NRXN3: variants seen among roughly 807,000 people sequenced by gnomAD.
NRXN3 encodes the protein neurexin III.
Under a neutral mutation model 137.6 loss-of-function variants are expected in NRXN3, and 32 were observed. The observed-to-expected ratio is 0.23, with a 90% CI of 0.18 to 0.31. The LOEUF is 0.31. NRXN3 is among the 10% of genes least tolerant of loss of function. The probability of loss-of-function intolerance (pLI) is 1.00; values close to 1 mark genes in which losing one functional copy is unlikely to be tolerated. For missense variants in NRXN3, 1,574 were observed against 2,062.5 expected, an observed-to-expected ratio of 0.76 and a Z score of 4.59; for synonymous variants, 798 against 784.5, an observed-to-expected ratio of 1.02 and a Z score of -0.29.
chr14:78,766,460 C>T (rs1283615639), intron 8 of NRXN3, among the ~76,000 whole-genome samples: 1 of 152,196 alleles, frequency 6.6e-6, no homozygotes, highest in Non-Finnish European at 1.5e-5. Context: ...TTTTCCCTCT[C>T]CACTGCCACC....
At chr14:78,752,720 C>T (rs897890503) in intron 8 of NRXN3, among the ~76,000 whole-genome samples, 2 of 152,028 alleles carry the variant, frequency 1.3e-5, no homozygotes, top group Non-Finnish European at 2.9e-5. Context: ...ATAGGAAGAG[C>T]CTTGCCCTCA....
intron 15 of NRXN3, among the ~76,000 whole-genome samples, chr14:79,135,385 G>A (rs1390828448): frequency 2.0e-5 from 3 of 151,924 alleles, no homozygotes; most frequent in East Asian, 1.9e-4. Context: ...TAAATCCTAG[G>A]TACCTCTCCT....
In NRXN3 at chr14:78,902,688, C is replaced by A. The variant is rs1468373472; in HGVS notation, c.2276-54554C>A. 2.0e-5 allele frequency among the ~76,000 whole-genome samples: 3 copies of A among 151,850 alleles called. No homozygotes were observed. The South Asian group carries it at 6.2e-4, about 32-fold the overall frequency. On this transcript the variant is annotated intron_variant, in intron 10 of 20. Transcript: ENST00000335750. The stretch of plus-strand genomic sequence containing the variant: ...TATAGGATGAAATTTAATACTTTAG[C>A]CTGATGTACAAGGCTCTTAAAGATC...
chr14:78,552,029 T>A (rs1219390678), intron 4 of NRXN3, among the ~76,000 whole-genome samples: 3 of 152,106 alleles, frequency 2.0e-5, no homozygotes, highest in Non-Finnish European at 4.4e-5. Context: ...CAGTGGTGGT[T>A]CTGAATCAAA....
chr14:78,262,269 C>T (rs1006849876), intron 2 of NRXN3, among the ~76,000 whole-genome samples: 4 of 151,990 alleles, frequency 2.6e-5, no homozygotes, highest in East Asian at 1.9e-4. Context: ...GATGGATAGA[C>T]GGATGGGTGG....
intron 20 of NRXN3, among the ~76,000 whole-genome samples, chr14:79,811,581 C>CTTTTTTTTTTTTTTTTTTTTTTTTT (rs370942970): frequency 2.1e-4 from 25 of 116,604 alleles, no homozygotes; most frequent in East Asian, 4.9e-4. Context: ...TTTCTTTTTT[C>CTTTTTTTTTTTTTTTTTTTTTTTTT]TTTTTTTTTT....
intron 6 of NRXN3, among the ~76,000 whole-genome samples, chr14:78,691,887 T>G (rs939585366): frequency 2.0e-5 from 3 of 152,052 alleles, no homozygotes; most frequent in Non-Finnish European, 4.4e-5. Context: ...ACCAAAAATT[T>G]TCTCCCTTTA....
intron 16 of NRXN3, among the ~76,000 whole-genome samples, chr14:79,550,481 T>G (rs149534627): frequency 1.3e-5 from 2 of 152,308 alleles, no homozygotes; most frequent in African/African-American, 4.8e-5. Context: ...GCTCCACACA[T>G]GCAGGGACTG....
At chr14:78,714,687 A>G in intron 7 of NRXN3, 69 bp from the exon 8 acceptor site, 1 of 1,554,112 alleles carries the variant, frequency 6.4e-7, no homozygotes, top group Non-Finnish European at 8.8e-7. Context: ...CTCAGCACTC[A>G]CCTGTTAGGT....
intron 10 of NRXN3, among the ~76,000 whole-genome samples, chr14:78,826,220 C>T (rs975752118): frequency 4.3e-4 from 66 of 152,174 alleles, no homozygotes; most frequent in African/African-American, 1.6e-3. Context: ...AAAGCTTTTT[C>T]CTTTCTTTCT....
intron 1 of NRXN3, among the ~76,000 whole-genome samples, chr14:78,224,470 C>T (rs1277551529): frequency 6.6e-6 from 1 of 152,038 alleles, no homozygotes; most frequent in Non-Finnish European, 1.5e-5. Flanking sequence ...GTTCCCCTTC[C>T]TGTGCCCATG....
chr14:79,533,886 C>T (rs552264714), intron 16 of NRXN3, among the ~76,000 whole-genome samples: 26 of 152,276 alleles, frequency 1.7e-4, no homozygotes, highest in African/African-American at 3.8e-4. Context: ...CAAGTAAAAA[C>T]GCTCAGCTTA....
At chr14:78,213,720 C>G (rs1261897968) in intron 1 of NRXN3, among the ~76,000 whole-genome samples, 1 of 152,094 alleles carries the variant, frequency 6.6e-6, no homozygotes, top group Non-Finnish European at 1.5e-5. Context: ...GTGGCATGTC[C>G]TCTTGAAAGA....
At chr14:79,071,302 T>C (rs929156832) in intron 15 of NRXN3, among the ~76,000 whole-genome samples, 1 of 152,120 alleles carries the variant, frequency 6.6e-6, no homozygotes, top group Non-Finnish European at 1.5e-5. Context: ...GTTACATAGG[T>C]ATACATGTGC....
At chr14:78,366,717 C>T (rs1263127996) in intron 4 of NRXN3, among the ~76,000 whole-genome samples, 2 of 152,150 alleles carry the variant, frequency 1.3e-5, no homozygotes, top group Non-Finnish European at 2.9e-5. Flanking sequence ...ACTAATAGAT[C>T]TTGTGAGACT....
chr14:79,111,050 A>C (rs1458054525), intron 15 of NRXN3, among the ~76,000 whole-genome samples: 1 of 152,112 alleles, frequency 6.6e-6, no homozygotes, highest in African/African-American at 2.4e-5. Context: ...TCGGCCTCCC[A>C]AAGTGCTGGG....
At chr14:79,551,791 C>A (rs915533613) in intron 16 of NRXN3, among the ~76,000 whole-genome samples, 1 of 152,144 alleles carries the variant, frequency 6.6e-6, no homozygotes, top group Non-Finnish European at 1.5e-5. Context: ...TAATACATCC[C>A]TGGGGAAGTT....
intron 10 of NRXN3, among the ~76,000 whole-genome samples, chr14:78,954,767 GTTTTT>G (rs531410595): frequency 1.5e-5 from 2 of 130,394 alleles, no homozygotes; most frequent in African/African-American, 2.8e-5. Flanking sequence ...ACCTGGCCTG[GTTTTT>G]TTTTTTTTTT....
At chr14:79,798,589 T>C (rs1258343094) in intron 19 of NRXN3, among the ~76,000 whole-genome samples, 1 of 152,212 alleles carries the variant, frequency 6.6e-6, no homozygotes, top group African/African-American at 2.4e-5. Flanking sequence ...ATAAAGCTGT[T>C]CTGTGGCAGG....
Sources: gnomAD v4.1 joint callset for allele counts (sites outside exome capture counted in the v4.1 genomes callset) on GRCh38, gnomAD v4.1.1 for gene constraint, MANE v1.5 for transcripts, NCBI Gene and HGNC (gene_info 2026-07-23, HGNC 2026-07-21) for gene names.